PCM1: variants seen among roughly 807,000 people sequenced by gnomAD.
The protein encoded by PCM1 is pericentriolar material 1.
PCM1 carries 157 observed loss-of-function variants against 241.9 expected under a neutral mutation model. The ratio of observed to expected loss-of-function variants is 0.65; its 90% CI spans 0.57 to 0.74. The LOEUF (loss-of-function observed/expected upper bound fraction) is 0.74. Ranked by LOEUF, PCM1 falls within the 30% of genes least tolerant of loss-of-function variation. The pLI is 0.00. For synonymous variants in PCM1, 1,085 were observed against 784.9 expected, an observed-to-expected ratio of 1.38 and a Z score of -6.39; for missense variants, 3,478 against 2,360.1, an observed-to-expected ratio of 1.47 and a Z score of -9.81.
intron 16 of PCM1, 31 bp downstream of exon 16, chr8:17,962,205 G>C (rs1157873017): frequency 3.2e-6 from 5 of 1,559,560 alleles, no homozygotes; most frequent in Non-Finnish European, 4.3e-6. Flanking sequence ...TTGTTCCTGA[G>C]TTAGTCTTTT....
At chr8:18,007,703 A>G (rs376089814) in intron 30 of PCM1, among the ~76,000 whole-genome samples, 5 of 152,224 alleles carry the variant, frequency 3.3e-5, no homozygotes, top group East Asian at 3.8e-4. Context: ...CAGAGTATTG[A>G]AAAATTTTTA....
intron 13 of PCM1, among the ~76,000 whole-genome samples, chr8:17,958,311 GA>G (rs2069684597): frequency 6.6e-6 from 1 of 151,962 alleles, no homozygotes; most frequent in African/African-American, 2.4e-5. Context: ...GTATATAAAA[GA>G]AAAACCATAT....
In PCM1 at chr8:18,014,019, G is replaced by A. The variant is rs113052360; in HGVS notation, c.5567G>A (p.Arg1856Gln). 119 of 1,593,070 alleles carry A rather than the reference G, an allele frequency of 7.5e-5. 1 individual carries two copies. The Middle Eastern group carries it at 1.5e-3, about 20-fold the overall frequency. Residue 1856 changes from arginine (R) to glutamine (Q), a missense_variant, in exon 35 of 39, where the codon CGA becomes CAA. Physicochemically the swap from Arg to Gln is conservative, Grantham distance 43. Transcript: ENST00000325083. Reference sequence around the variant, plus strand: ...GAAAGCAAAAATGTCCCATTGGAACGAGAAGCCACTAGTAAAAGTAAGAAA... The same window carrying A: ...GAAAGCAAAAATGTCCCATTGGAACAAGAAGCCACTAGTAAAAGTAAGAAA... ...TAESKNVPLE[R>Q]EATSKNDQNN...
chr8:18,005,564 T>C (rs2091043451), intron 29 of PCM1, among the ~76,000 whole-genome samples: 1 of 152,120 alleles, frequency 6.6e-6, no homozygotes, highest in South Asian at 2.1e-4. Context: ...TTACTTGATA[T>C]CGATGATTTA....
intron 6 of PCM1, among the ~76,000 whole-genome samples, chr8:17,940,641 C>G (rs184922063): frequency 8.2e-4 from 124 of 152,140 alleles, no homozygotes; most frequent in Admixed American, 1.6e-3. Context: ...ACTGAAAAAT[C>G]GAGAGAAAGA....
At position 18,011,251 on chromosome 8, in the gene PCM1, T is replaced by C. The variant is rs749699982; in HGVS notation, c.5235T>C (p.Thr1745=). The C allele has an allele frequency of 4.4e-6, 7 of 1,604,652 alleles. No homozygotes were observed. The African/African-American group carries it at 9.4e-5, about 21-fold the overall frequency. The change falls in exon 33 of 39, where the codon ACT becomes ACC. Residue 1745 remains threonine, a synonymous_variant. Coordinates refer to ENST00000325083, the MANE Select transcript of PCM1 (RefSeq NM_006197.4). Reference sequence around the variant, plus strand: ...TTTGTGTCTAGGACAAGGATGAAACTGAAACAGTTAAGCAGACTCAAACAT... The same window carrying C: ...TTTGTGTCTAGGACAAGGATGAAACCGAAACAGTTAAGCAGACTCAAACAT... ...IDDEDKDKDE[T]ETVKQTQTSE...
At chr8:17,931,329 C>T (rs1441732482) in intron 2 of PCM1, among the ~76,000 whole-genome samples, 1 of 151,804 alleles carries the variant, frequency 6.6e-6, no homozygotes, top group African/African-American at 2.4e-5. Flanking sequence ...CTTGCTCTTG[C>T]CCAGGCTGGA....
At chr8:18,003,604 C>T (rs889648480) in intron 29 of PCM1, among the ~76,000 whole-genome samples, 2 of 152,060 alleles carry the variant, frequency 1.3e-5, no homozygotes, top group Non-Finnish European at 2.9e-5. Context: ...GACAAAGGAT[C>T]ATAATTATTT....
Position 18,006,384 on chromosome 8 carries a change from G to C in PCM1, c.4949G>C (p.Gly1650Ala), listed in dbSNP as rs778507102. The change falls in exon 30 of 39, where the codon GGA becomes GCA. Residue 1650 changes from glycine to alanine, a missense_variant. Physicochemically the swap from Gly to Ala is moderately conservative, Grantham distance 60 (BLOSUM62 0). Transcript: ENST00000325083. ...EFVKFFHKQL[G>A]SILQDSLAKF... ...GTAAAGTTCTTTCATAAACAACTTG[G>C]AAGTATATTACAGGTAAGAGTTTAT... The C allele has an allele frequency of 1.2e-5, 20 of 1,610,420 alleles. No homozygotes were observed. The Admixed American group carries it at 3.2e-4, about 26-fold the overall frequency.
intron 29 of PCM1, among the ~76,000 whole-genome samples, chr8:18,000,247 T>C (rs948876600): frequency 5.3e-5 from 8 of 152,182 alleles, no homozygotes; most frequent in African/African-American, 1.9e-4. Flanking sequence ...GGAGGATATT[T>C]GTATGAGACT....
intron 26 of PCM1, among the ~76,000 whole-genome samples, chr8:17,986,767 TC>T (rs1410339882): frequency 6.6e-6 from 1 of 151,824 alleles, no homozygotes; most frequent in Non-Finnish European, 1.5e-5. Context: ...GTAAAATATT[TC>T]ATGTGGTCGT....
intron 29 of PCM1, among the ~76,000 whole-genome samples, chr8:17,999,470 C>G (rs2088364028): frequency 6.6e-6 from 1 of 152,038 alleles, no homozygotes; most frequent in South Asian, 2.1e-4. Flanking sequence ...GAGCTGGGGC[C>G]TGGAATGGCG....
chr8:18,015,050 T>C (rs536757707), intron 36 of PCM1, among the ~76,000 whole-genome samples: 2 of 152,296 alleles, frequency 1.3e-5, no homozygotes, highest in South Asian at 4.1e-4. Context: ...TTTTATAATT[T>C]TGAGAACCAA....
In PCM1 at chr8:17,937,278, C is replaced by G; in HGVS notation, c.241C>G (p.His81Asp). 1 of 1,610,038 alleles carries G rather than the reference C, an allele frequency of 6.2e-7. No individual in the cohort carries two copies. Among genetic ancestry groups the G allele is most frequent in the Non-Finnish European group, 8.5e-7 (1 of 1,177,060 alleles). ...TGGAAGGCGAAGAACAAAGACTCCACATACGTTCCCACACAGTAGATACAT... is the reference window on the plus strand; with the variant it reads ...TGGAAGGCGAAGAACAAAGACTCCAGATACGTTCCCACACAGTAGATACAT... ...GVGRRRTKTP[H>D]TFPHSRYMSQ... The change falls in exon 4 of 39, where the codon CAT becomes GAT. Residue 81 changes from histidine to aspartate, a missense_variant. His to Asp is a moderately conservative substitution (Grantham distance 81). Coordinates refer to ENST00000325083, the MANE Select transcript of PCM1 (RefSeq NM_006197.4).
rs751091006 is a variant in PCM1 at position 17,996,325 on chromosome 8, GA to G, written c.4827+2707del. Among the ~76,000 whole-genome samples, 36 of 152,240 alleles carry G rather than the reference GA, an allele frequency of 2.4e-4. 2 individuals carry two copies. In the East Asian group the frequency reaches 6.0e-3, roughly 25 times the overall value. On this transcript the variant is annotated intron_variant, in intron 29 of 38. Transcript: ENST00000325083. ...GTTTTGTCCTTCATTCTGTTGATAT[GA>G]TGTATTACATTGATTGATTTACCTA...
At chr8:17,998,013 G>T (rs554633264) in intron 29 of PCM1, among the ~76,000 whole-genome samples, 4 of 150,728 alleles carry the variant, frequency 2.7e-5, no homozygotes, top group African/African-American at 9.8e-5. Context: ...TCTAGCCTGG[G>T]TGACAGAGCA....
At position 18,011,381 on chromosome 8, in the gene PCM1, T is replaced by C; in HGVS notation, c.5350+15T>C. 2.6e-6 allele frequency: 4 copies of C among 1,533,826 alleles called. No individual in the cohort carries two copies. The highest frequency in any genetic ancestry group is 3.5e-6 in the Non-Finnish European group (4 of 1,149,944). ...AGTGTCTATTAGTAAGTTTAAAGGC[T>C]CTGTACTATCTTTATACTTTAGTTT... is the stretch of plus-strand genomic sequence containing the variant. On this transcript the variant is annotated intron_variant, in intron 33 of 38. Coordinates refer to ENST00000325083, the MANE Select transcript of PCM1 (RefSeq NM_006197.4).
chr8:17,951,094 A>T (rs975617482), intron 8 of PCM1, among the ~76,000 whole-genome samples: 1 of 152,220 alleles, frequency 6.6e-6, no homozygotes, highest in Non-Finnish European at 1.5e-5. Context: ...GTGTCCTTCG[A>T]CTAGATACAT....
At chr8:17,972,802 T>C in intron 23 of PCM1, 115 bp downstream of exon 23, 1 of 466,728 alleles carries the variant, frequency 2.1e-6, no homozygotes, top group Non-Finnish European at 3.6e-6. Flanking sequence ...TGTTCTAGAC[T>C]TAGTTGAACA....
Sources: allele counts gnomAD v4.1 joint callset (sites outside exome capture counted in the v4.1 genomes callset), GRCh38; gene constraint gnomAD v4.1.1; transcripts MANE v1.5; gene names NCBI Gene and HGNC (gene_info 2026-07-23, HGNC 2026-07-21).